The following CLIP2 variants were observed in gnomAD, a reference collection of about 807,000 sequenced individuals.
The protein encoded by CLIP2 is CAP-Gly domain containing linker protein 2.
In CLIP2, 41 loss-of-function variants were observed where a neutral mutation model predicts 111.7. That is an observed-to-expected ratio of 0.37 (90% confidence interval 0.29 to 0.48). The LOEUF is 0.48. Among genes scored for constraint, CLIP2 ranks in the 20% least tolerant of loss-of-function variants. The probability of loss-of-function intolerance (pLI) is 0.99; values close to 1 mark genes in which losing one functional copy is unlikely to be tolerated. For missense variants in CLIP2, 1,160 were observed against 1,422.1 expected, an observed-to-expected ratio of 0.82 and a Z score of 2.96; for synonymous variants, 660 against 644.2, an observed-to-expected ratio of 1.02 and a Z score of -0.37.
chr7:74,368,864 C>A (rs1051316410), intron 8 of CLIP2, among the ~76,000 whole-genome samples: 32 of 152,338 alleles, frequency 2.1e-4, no homozygotes, highest in African/African-American at 7.2e-4. Flanking sequence ...TTCAGCCATG[C>A]CCTGACCCAG....
Position 74,394,740 on chromosome 7 carries a change from C to G in CLIP2, c.2721-2334C>G, listed in dbSNP as rs1173242148. On this transcript the variant is annotated intron_variant, in intron 13 of 16. Transcript: ENST00000223398. ...AGGGAAACAGATGCGATGAGGCAAT[C>G]TAGGAATTTTCCAGAACAACACTGC... Among the ~76,000 whole-genome samples, 5 of 152,242 alleles carry G rather than the reference C, an allele frequency of 3.3e-5. No homozygotes were observed. The East Asian group carries it at 7.7e-4, about 23-fold the overall frequency.
chr7:74,311,534 G>A (rs1788639500), intron 1 of CLIP2, among the ~76,000 whole-genome samples: 1 of 152,168 alleles, frequency 6.6e-6, no homozygotes, highest in Non-Finnish European at 1.5e-5. Context: ...CTTCTTCGGT[G>A]AAATGTATAT....
chr7:74,371,243 C>CAAAAAAAAAA (rs781898485), intron 8 of CLIP2, among the ~76,000 whole-genome samples: 1 of 61,618 alleles, frequency 1.6e-5, no homozygotes, highest in Non-Finnish European at 2.9e-5. Context: ...AACTATGCCT[C>CAAAAAAAAAA]AAAAAAAAAA....
chr7:74,376,624 G>A lies in CLIP2; in HGVS notation c.2223G>A (p.Glu741=). ...RVHELEKLDV[E]YRGQAQAIEF... ...ACGAGCTGGAAAAACTGGACGTGGA[G>A]TACCGGGGCCAGGCGCAGGCTATCG... Residue 741 remains glutamate, a synonymous_variant, in exon 10 of 17, where the codon GAG becomes GAA. Transcript: ENST00000223398. The surrounding 1 kb of genome is among the most constrained non-coding windows in gnomAD (Gnocchi z 7.1). 5 of 1,613,376 alleles carry A rather than the reference G, an allele frequency of 3.1e-6. No homozygotes were observed. Among genetic ancestry groups the A allele is most frequent in the Non-Finnish European group, 3.4e-6 (4 of 1,179,870 alleles).
At chr7:74,380,967 G>T (rs1554313806) in intron 11 of CLIP2, 104 bp downstream of exon 11, 1 of 1,115,156 alleles carries the variant, frequency 9.0e-7, no homozygotes, top group Non-Finnish European at 1.4e-6. Flanking sequence ...CTGCCATTTG[G>T]TAAGAGTCAC....
intron 15 of CLIP2, 93 bp from the exon 16 acceptor site, chr7:74,401,412 A>G: frequency 2.4e-6 from 3 of 1,248,544 alleles, no homozygotes; most frequent in Non-Finnish European, 3.5e-6. Context: ...TTGGAGCCTG[A>G]GACGGTCCCA....
At chr7:74,391,136 G>C (rs1164367145) in intron 13 of CLIP2, among the ~76,000 whole-genome samples, 2 of 151,948 alleles carry the variant, frequency 1.3e-5, no homozygotes. Flanking sequence ...CTTGAATATT[G>C]GGGCTTAATA....
At chr7:74,355,882 C>T (rs1790128230) in intron 4 of CLIP2, among the ~76,000 whole-genome samples, 2 of 152,146 alleles carry the variant, frequency 1.3e-5, no homozygotes, top group Admixed American at 6.6e-5. Context: ...GGGAATCCTT[C>T]ATTCTGGGGA....
chr7:74,384,644 C>G (rs577758580), intron 11 of CLIP2, among the ~76,000 whole-genome samples: 2,444 of 151,674 alleles, frequency 0.016, 37 homozygotes, highest in Non-Finnish European at 0.028. Context: ...CAGGGTTTCG[C>G]AATGTTGGCC....
intron 9 of CLIP2, among the ~76,000 whole-genome samples, chr7:74,375,254 T>A (rs58783559): frequency 0.016 from 2,314 of 142,272 alleles, 60 homozygotes; most frequent in African/African-American, 0.055. Flanking sequence ...CCGTCTCTTT[T>A]AAAAAAAAAA....
chr7:74,380,817 G>T lies in CLIP2; in HGVS notation c.2433G>T (p.Ser811=). The change falls in exon 11 of 17, where the codon TCG becomes TCT. Residue 811 remains serine (S), a synonymous_variant. Coordinates refer to ENST00000223398, the MANE Select transcript of CLIP2 (RefSeq NM_003388.5). ...CSSQHTHMIE[S]NDISEETIRT... ...GGCTCTTTTTGCAGATGATTGAGTC[G>T]AATGACATTTCAGAGGAGACGATCA... The T allele has an allele frequency of 1.9e-6, 3 of 1,607,916 alleles. No individual in the cohort carries two copies. Among genetic ancestry groups the T allele is most frequent in the Non-Finnish European group, 2.6e-6 (3 of 1,175,798 alleles).
intron 10 of CLIP2, 82 bp from the exon 11 acceptor site, chr7:74,380,724 T>G: frequency 8.5e-7 from 1 of 1,176,844 alleles, no homozygotes; most frequent in Non-Finnish European, 1.2e-6. Context: ...GTGTGCAAAC[T>G]GCAGGTGTGC....
intron 4 of CLIP2, among the ~76,000 whole-genome samples, chr7:74,354,614 C>T (rs1790097921): frequency 6.6e-6 from 1 of 151,280 alleles, no homozygotes; most frequent in African/African-American, 2.4e-5. Flanking sequence ...GACTCTGTCT[C>T]AAAAAAATTA....
chr7:74,394,533 GGCCACC>G (rs1347680875), intron 13 of CLIP2, among the ~76,000 whole-genome samples: 1 of 151,954 alleles, frequency 6.6e-6, no homozygotes, highest in Non-Finnish European at 1.5e-5. Context: ...CACAGGCGTG[GGCCACC>G]GCCCCGGGCC....
chr7:74,397,044 G>T (rs1554316752), intron 13 of CLIP2, 30 bp from the exon 14 acceptor site: 1 of 1,608,972 alleles, frequency 6.2e-7, no homozygotes, highest in Non-Finnish European at 8.5e-7. Context: ...AGGGCTGAGT[G>T]CAGTGGTTCT....
In CLIP2 at chr7:74,376,648, C is replaced by T. The variant is rs782307517; in HGVS notation, c.2247C>T (p.Ile749=). The change falls in exon 10 of 17, where the codon ATC becomes ATT. Residue 749 remains isoleucine, a synonymous_variant. Coordinates refer to ENST00000223398, the MANE Select transcript of CLIP2 (RefSeq NM_003388.5). The surrounding 1 kb of genome is among the most constrained non-coding windows in gnomAD (Gnocchi z 7.1). Reference sequence around the variant, plus strand: ...AGTACCGGGGCCAGGCGCAGGCTATCGAGTTCCTCAAGGAGCAGATCTCGC... The same window carrying T: ...AGTACCGGGGCCAGGCGCAGGCTATTGAGTTCCTCAAGGAGCAGATCTCGC... The part of the protein sequence containing the change: ...DVEYRGQAQA[I]EFLKEQISLA... The T allele has an allele frequency of 5.6e-6, 9 of 1,613,316 alleles. No individual in the cohort carries two copies. The African/African-American group carries it at 8.0e-5, about 14-fold the overall frequency.
chr7:74,372,598 G>A (rs1236243533), intron 8 of CLIP2, among the ~76,000 whole-genome samples: 2 of 151,720 alleles, frequency 1.3e-5, no homozygotes, highest in East Asian at 1.9e-4. Flanking sequence ...GGGGTTGGGG[G>A]GGACAGAAAA....
intron 13 of CLIP2, among the ~76,000 whole-genome samples, chr7:74,390,952 G>A (rs1174508029): frequency 6.6e-6 from 1 of 152,068 alleles, no homozygotes; most frequent in African/African-American, 2.4e-5. Context: ...GGGAGGCTGA[G>A]GCAGGAGAAT....
At position 74,376,511 on chromosome 7, in the gene CLIP2, C is replaced by T. The variant is rs782127434; in HGVS notation, c.2110C>T (p.Arg704Trp). Residue 704 changes from arginine to tryptophan, a missense_variant, in exon 10 of 17, where the codon CGG (arginine) becomes TGG (tryptophan). By Grantham distance (101) the Arg-to-Trp change is moderately radical. Coordinates refer to ENST00000223398, the MANE Select transcript of CLIP2 (RefSeq NM_003388.5). This position sits in a 1 kb window ranked among gnomAD's most constrained non-coding sequence, Gnocchi z 7.1. ...GCTGGCTGGGCTGCAGCGGCACTGGCGGGCCCAGCTGGAGGTGCAAGCCAG... is the reference window on the plus strand; with the variant it reads ...GCTGGCTGGGCTGCAGCGGCACTGGTGGGCCCAGCTGGAGGTGCAAGCCAG... The part of the protein sequence containing the change: ...EELAGLQRHW[R>W]AQLEVQASQH... 5.6e-6 allele frequency: 9 copies of T among 1,604,574 alleles called. No homozygotes were observed. Among genetic ancestry groups the T allele is most frequent in the East Asian group, 2.2e-5 (1 of 44,464 alleles).
Sources: allele counts gnomAD v4.1 joint callset (sites outside exome capture counted in the v4.1 genomes callset), GRCh38; gene constraint gnomAD v4.1.1; non-coding constraint Gnocchi (gnomAD v3.1); transcripts MANE v1.5; gene names NCBI Gene and HGNC (gene_info 2026-07-23, HGNC 2026-07-21).